Variants in AK9 observed in about 807,000 individuals in gnomAD.
The protein encoded by AK9 is adenylate kinase 9.
A neutral mutation model predicts 239.6 loss-of-function variants in AK9; 191 were observed. That is an observed-to-expected ratio of 0.80 (90% CI 0.71 to 0.90). The LOEUF is 0.90. Among genes scored for constraint, AK9 ranks in the 40% least tolerant of loss-of-function variants. AK9 has a pLI of 0.00. For synonymous variants in AK9, 689 were observed against 721.0 expected, an observed-to-expected ratio of 0.96 and a Z score of 0.71; for missense variants, 1,995 against 2,214.7, an observed-to-expected ratio of 0.90 and a Z score of 1.99.
At chr6:109,516,399 G>T (rs564899662) in intron 30 of AK9, 31 bp downstream of exon 30, 1 of 1,514,228 alleles carries the variant, frequency 6.6e-7, no homozygotes, top group East Asian at 2.5e-5. Context: ...TATTACTTTT[G>T]AATTATAAAA....
intron 28 of AK9, among the ~76,000 whole-genome samples, chr6:109,530,542 C>T (rs971841171): frequency 2.6e-5 from 4 of 151,700 alleles, no homozygotes; most frequent in African/African-American, 9.8e-5. Flanking sequence ...ATAAAGACCA[C>T]TGTATTACCA....
intron 29 of AK9, 154 bp downstream of exon 29, chr6:109,528,857 C>A: frequency 7.3e-7 from 1 of 1,362,126 alleles, no homozygotes; most frequent in Non-Finnish European, 1.0e-6. Flanking sequence ...TGTGATGGCT[C>A]ATGCCTGTAA....
Position 109,497,500 on chromosome 6 carries a change from AAT to A in AK9, c.5278_5279del (p.Ile1760LeufsTer2), listed in dbSNP as rs764966539. 2 of 1,607,692 alleles carry A rather than the reference AAT, an allele frequency of 1.2e-6. No individual in the cohort carries two copies. Among genetic ancestry groups the A allele is most frequent in the Non-Finnish European group, 1.7e-6 (2 of 1,174,446 alleles). ...TCTGGAGTTTTTCTTTGTTCTCACAAATATATATACGATTATGATATTCTAAA... is the reference window on the plus strand; with the variant it reads ...TCTGGAGTTTTTCTTTGTTCTCACAAATATATACGATTATGATATTCTAAA... ...YALEYHNRIY[I>X]CENKEKLQKF... On this transcript the variant is annotated frameshift_variant, in exon 38 of 41. Transcript: ENST00000424296. LOFTEE classifies it high-confidence loss of function.
intron 15 of AK9, 141 bp downstream of exon 15, chr6:109,614,042 T>C: frequency 1.4e-6 from 1 of 714,650 alleles, no homozygotes; most frequent in South Asian, 1.9e-5. Flanking sequence ...TCAGGTTAAA[T>C]CCATAAGGAA....
intron 5 of AK9, among the ~76,000 whole-genome samples, chr6:109,667,646 T>TG (rs1267158818): frequency 6.6e-6 from 1 of 151,512 alleles, no homozygotes; most frequent in Non-Finnish European, 1.5e-5. Context: ...AGTGAGAACA[T>TG]GCGGTGTTTG....
chr6:109,593,202 G>C (rs781414977), intron 17 of AK9, among the ~76,000 whole-genome samples: 20 of 151,716 alleles, frequency 1.3e-4, no homozygotes, highest in Non-Finnish European at 2.4e-4. Context: ...TTTCTTTCTA[G>C]AATTTAGAAA....
chr6:109,624,304 TC>T (rs1242386362), intron 12 of AK9, among the ~76,000 whole-genome samples: 1 of 152,162 alleles, frequency 6.6e-6, no homozygotes, highest in Non-Finnish European at 1.5e-5. Flanking sequence ...CTCTTCCTTG[TC>T]AGGGATGCAT....
chr6:109,619,510 T>C (rs1311991077), intron 12 of AK9, among the ~76,000 whole-genome samples: 1 of 152,116 alleles, frequency 6.6e-6, no homozygotes, highest in African/African-American at 2.4e-5. Context: ...TATTTTGACT[T>C]AACAGAAGTT....
At chr6:109,602,301 T>C (rs1216237595) in intron 17 of AK9, among the ~76,000 whole-genome samples, 3 of 152,228 alleles carry the variant, frequency 2.0e-5, no homozygotes, top group African/African-American at 7.2e-5. Context: ...TTTGCTTGTC[T>C]ATAAAGGATT....
intron 33 of AK9, among the ~76,000 whole-genome samples, chr6:109,507,800 C>G (rs1778266431): frequency 2.0e-5 from 3 of 152,218 alleles, no homozygotes. Context: ...GCTTAATAGT[C>G]AGACAAGATT....
Position 109,585,897 on chromosome 6 carries a change from A to G in AK9, c.1999+19T>C, listed in dbSNP as rs1263260571. 4 of 1,524,134 alleles carry G rather than the reference A, an allele frequency of 2.6e-6. No homozygotes were observed. Among genetic ancestry groups the G allele is most frequent in the Non-Finnish European group, 2.6e-6 (3 of 1,134,826 alleles). The allele number at this position is 1,524,134 out of a possible 1,614,324, so 94.4% of individuals were successfully genotyped here. ...AACAAAACTTCACTTTCAAATTTAC[A>G]TAATAAATATTTACCAACCATTGTT... is the stretch of plus-strand genomic sequence containing the variant. On this transcript the variant is annotated intron_variant, in intron 18 of 40. Transcript: ENST00000424296.
intron 24 of AK9, among the ~76,000 whole-genome samples, chr6:109,557,722 G>A (rs545229111): frequency 2.0e-5 from 3 of 152,272 alleles, no homozygotes; most frequent in Admixed American, 1.3e-4. Flanking sequence ...TCTTTGAATG[G>A]GCATGTGCTC....
chr6:109,496,711 C>T (rs1009663101), intron 38 of AK9, among the ~76,000 whole-genome samples: 3 of 152,090 alleles, frequency 2.0e-5, no homozygotes, highest in African/African-American at 2.4e-5. Flanking sequence ...GTCCCAAGCC[C>T]GCTGCCTTCC....
At chr6:109,682,192 T>G (rs1049550099) in intron 1 of AK9, among the ~76,000 whole-genome samples, 4 of 151,816 alleles carry the variant, frequency 2.6e-5, no homozygotes, top group East Asian at 3.9e-4. Context: ...TTGGGAGGCC[T>G]AGGTGGGCGG....
rs1428944728 is a variant in AK9, at chr6:109,691,182, A to C, written c.-47T>G. 1 of 581,178 alleles carries C rather than the reference A, an allele frequency of 1.7e-6. No homozygotes were observed. Among genetic ancestry groups the C allele is most frequent in the Admixed American group, 3.0e-5 (1 of 33,490 alleles). 36.0% of individuals were successfully genotyped at this position (581,178 alleles called of 1,614,324 possible). ...GCCCTTCGCTTCCTCTCTCGGCAGC[A>C]CGCAGGTCCCGGGAGCCTCTACCCG... On this transcript the variant is annotated 5_prime_UTR_variant, in exon 1 of 41. Coordinates refer to ENST00000424296, the MANE Select transcript of AK9 (RefSeq NM_001145128.3).
chr6:109,582,158 C>G (rs937585004), intron 19 of AK9, among the ~76,000 whole-genome samples: 1 of 152,172 alleles, frequency 6.6e-6, no homozygotes, highest in African/African-American at 2.4e-5. Flanking sequence ...GATGAAGACA[C>G]ATAAGGAGAA....
intron 3 of AK9, among the ~76,000 whole-genome samples, chr6:109,672,754 T>C (rs1257363456): frequency 6.6e-6 from 1 of 152,200 alleles, no homozygotes; most frequent in Non-Finnish European, 1.5e-5. Context: ...CCTCTGCACC[T>C]TGGATGCATA....
At chr6:109,538,044 A>G (rs1782278253) in intron 27 of AK9, among the ~76,000 whole-genome samples, 1 of 152,286 alleles carries the variant, frequency 6.6e-6, no homozygotes, top group Non-Finnish European at 1.5e-5. Context: ...CAATTTTGGA[A>G]TAAGTGTGAT....
intron 1 of AK9, among the ~76,000 whole-genome samples, chr6:109,684,157 C>T (rs1343589188): frequency 2.0e-5 from 3 of 152,150 alleles, no homozygotes; most frequent in African/African-American, 4.8e-5. Flanking sequence ...AAAAGATTCC[C>T]TATTTAAAAA....
Sources: gnomAD v4.1 joint callset for allele counts (sites outside exome capture counted in the v4.1 genomes callset) on GRCh38, gnomAD v4.1.1 for gene constraint, MANE v1.5 for transcripts, NCBI Gene and HGNC (gene_info 2026-07-23, HGNC 2026-07-21) for gene names.